Variants in FGF14 observed in about 807,000 individuals in gnomAD.
FGF14 encodes the protein fibroblast growth factor homologous factor 4.
FGF14 carries 5 observed loss-of-function variants against 25.5 expected under a neutral mutation model. The observed-to-expected ratio is 0.20, with a 90% CI of 0.10 to 0.41. The LOEUF is 0.41. FGF14 is among the 10% of genes least tolerant of loss of function. The pLI is 1.00. For synonymous variants in FGF14, 138 were observed against 118.3 expected, an observed-to-expected ratio of 1.17 and a Z score of -1.08; for missense variants, 222 against 320.1, an observed-to-expected ratio of 0.69 and a Z score of 2.34.
chr13:101,967,208 G>A (rs10508080), intron 1 of FGF14, among the ~76,000 whole-genome samples: 11,241 of 152,164 alleles, frequency 0.074, 443 homozygotes, highest in Admixed American at 0.11. Flanking sequence ...CAAACCTACC[G>A]AATCAAAGTG....
At chr13:102,245,961 CACTTGAAAA>C (rs1740689231) in intron 1 of FGF14, among the ~76,000 whole-genome samples, 1 of 152,024 alleles carries the variant, frequency 6.6e-6, no homozygotes, top group South Asian at 2.1e-4. Flanking sequence ...TCCTACTTAC[CACTTGAAAA>C]ACTTGCAATT....
chr13:102,024,463 G>A (rs1414155476), intron 1 of FGF14, among the ~76,000 whole-genome samples: 1 of 147,538 alleles, frequency 6.8e-6, no homozygotes, highest in African/African-American at 2.6e-5. Context: ...ATTTTAATTG[G>A]GTTATTTTTC....
chr13:101,966,702 C>T (rs995549052), intron 1 of FGF14, among the ~76,000 whole-genome samples: 3 of 152,008 alleles, frequency 2.0e-5, no homozygotes, highest in African/African-American at 7.3e-5. Context: ...AGGCTGGTCT[C>T]GAACCCCTGA....
In FGF14 at chr13:102,044,410, A is replaced by G. The variant is rs541406200; in HGVS notation, c.209-169114T>C. ...ATGAACTTTTGGAAGAGGAACATAT[A>G]TAAATAAATTAGTAGTAGTCCATAA... On this transcript the variant is annotated intron_variant, in intron 1 of 4. Transcript: ENST00000376131. 2.6e-5 allele frequency among the ~76,000 whole-genome samples: 4 copies of G among 152,320 alleles called. 1 individual carries two copies. Among genetic ancestry groups the G allele is most frequent in the Admixed American group, 1.3e-4 (2 of 15,298 alleles).
chr13:101,912,134 C>T (rs1184204901), intron 1 of FGF14, among the ~76,000 whole-genome samples: 2 of 151,936 alleles, frequency 1.3e-5, no homozygotes, highest in East Asian at 3.9e-4. Flanking sequence ...TTCACTATCA[C>T]ACTGGAGCAA....
At chr13:101,905,066 C>T (rs2032065270) in intron 1 of FGF14, among the ~76,000 whole-genome samples, 1 of 152,206 alleles carries the variant, frequency 6.6e-6, no homozygotes, top group Admixed American at 6.5e-5. Context: ...CGTGTCTGAA[C>T]TCTGCTGTCC....
At chr13:102,110,473 A>C (rs552355190) in intron 1 of FGF14, among the ~76,000 whole-genome samples, 64 of 152,318 alleles carry the variant, frequency 4.2e-4, no homozygotes, top group African/African-American at 1.5e-3. Flanking sequence ...TGTTTTTGTA[A>C]GGAACGTTTT....
chr13:101,857,497 C>A (rs2044186282), intron 3 of FGF14, among the ~76,000 whole-genome samples: 1 of 152,034 alleles, frequency 6.6e-6, no homozygotes, highest in Non-Finnish European at 1.5e-5. Context: ...TATGTTTCTG[C>A]TGAAAAGAAC....
intron 2 of FGF14, among the ~76,000 whole-genome samples, chr13:101,874,094 G>A (rs986520041): frequency 6.6e-6 from 1 of 152,008 alleles, no homozygotes; most frequent in East Asian, 1.9e-4. Flanking sequence ...ATGGCAAAAC[G>A]ACATGTAAAA....
intron 3 of FGF14, among the ~76,000 whole-genome samples, chr13:101,771,011 T>C (rs1433903319): frequency 6.6e-6 from 1 of 152,038 alleles, no homozygotes; most frequent in Non-Finnish European, 1.5e-5. Flanking sequence ...CTATACTAAA[T>C]TAAATTAAAA....
chr13:101,957,257 C>T (rs3918310), intron 1 of FGF14, among the ~76,000 whole-genome samples: 31,751 of 151,978 alleles, frequency 0.21, 3,687 homozygotes, highest in Admixed American at 0.33. Context: ...CGGTGTGTTT[C>T]TTTCAGTGTA....
intron 1 of FGF14, among the ~76,000 whole-genome samples, chr13:102,106,765 G>C (rs889892700): frequency 2.0e-4 from 31 of 152,202 alleles, no homozygotes; most frequent in African/African-American, 7.2e-4. Context: ...TTCTAAGAAG[G>C]CTGGTTAAGA....
At chr13:101,876,729 C>T (rs564757816) in intron 1 of FGF14, among the ~76,000 whole-genome samples, 3 of 152,156 alleles carry the variant, frequency 2.0e-5, no homozygotes, top group South Asian at 2.1e-4. Context: ...TATTGCATTG[C>T]GTTACATATG....
At chr13:102,156,317 C>T (rs2047335760) in intron 1 of FGF14, among the ~76,000 whole-genome samples, 1 of 152,198 alleles carries the variant, frequency 6.6e-6, no homozygotes, top group African/African-American at 2.4e-5. Flanking sequence ...CCACCATGAT[C>T]AAGTGGGCTT....
At chr13:102,065,114 T>A (rs535028952) in intron 1 of FGF14, among the ~76,000 whole-genome samples, 1 of 152,278 alleles carries the variant, frequency 6.6e-6, no homozygotes, top group East Asian at 1.9e-4. Flanking sequence ...AAATAATTAA[T>A]GTCTTTCAGC....
At chr13:101,865,169 TTTTCC>T (rs1279422637) in intron 3 of FGF14, among the ~76,000 whole-genome samples, 1 of 152,156 alleles carries the variant, frequency 6.6e-6, no homozygotes, top group African/African-American at 2.4e-5. Context: ...ATGAATGACA[TTTTCC>T]TTTCATTACC....
chr13:102,233,646 C>G (rs2051187043), intron 1 of FGF14, among the ~76,000 whole-genome samples: 1 of 152,120 alleles, frequency 6.6e-6, no homozygotes, highest in Non-Finnish European at 1.5e-5. Flanking sequence ...GTAGATGAAA[C>G]ACGTGACTCC....
intron 1 of FGF14, among the ~76,000 whole-genome samples, chr13:102,179,510 C>A (rs1469952556): frequency 6.6e-6 from 1 of 152,094 alleles, no homozygotes; most frequent in Non-Finnish European, 1.5e-5. Flanking sequence ...CCACCATCAC[C>A]AATACTCATA....
chr13:102,298,430 C>A (rs2054844411), intron 1 of FGF14, among the ~76,000 whole-genome samples: 2 of 152,122 alleles, frequency 1.3e-5, no homozygotes, highest in African/African-American at 4.8e-5. Flanking sequence ...TCCTGTTTTA[C>A]TCTCTATTTT....
Sources: allele counts gnomAD v4.1 joint callset (sites outside exome capture counted in the v4.1 genomes callset), GRCh38; gene constraint gnomAD v4.1.1; transcripts MANE v1.5; gene names NCBI Gene and HGNC (gene_info 2026-07-23, HGNC 2026-07-21).